Variants in RBFOX1 observed in about 807,000 individuals in gnomAD.
The protein encoded by RBFOX1 is RNA binding protein fox-1 homolog 1.
In RBFOX1, 8 loss-of-function variants were observed where a neutral mutation model predicts 57.7. That is an observed-to-expected ratio of 0.14 (90% CI 0.08 to 0.25). The LOEUF is 0.25. Among genes scored for constraint, RBFOX1 ranks in the 10% least tolerant of loss-of-function variants. The pLI is 1.00. For synonymous variants in RBFOX1, 326 were observed against 222.4 expected (o/e 1.47, Z -4.15); for missense variants, 611 against 548.5 (o/e 1.11, Z -1.14).
At position 5,953,964 on chromosome 16, in the gene RBFOX1, C is replaced by T. The variant is rs149659393; in HGVS notation, c.351+86629C>T. ...CTGTTGCCAACCGTGGTACCCATAC[C>T]CCCAGGGGACATTTGGAAATGTCTG... On this transcript the variant is annotated intron_variant, in intron 4 of 19. Transcript: ENST00000641259. Among the ~76,000 whole-genome samples the T allele has an allele frequency of 8.2e-3, 1,249 of 152,130 alleles. 10 individuals are homozygous for T. Among genetic ancestry groups the T allele is most frequent in the Non-Finnish European group, 0.013 (901 of 68,008 alleles).
intron 4 of RBFOX1, among the ~76,000 whole-genome samples, chr16:7,054,551 G>GGGA (rs1188377939): frequency 6.9e-6 from 1 of 144,108 alleles, no homozygotes; most frequent in South Asian, 2.5e-4. Context: ...TGGGTGGGGG[G>GGGA]GCATTTTTTA....
At chr16:6,149,372 GA>G (rs1005647788) in intron 1 of RBFOX1, among the ~76,000 whole-genome samples, 1 of 152,242 alleles carries the variant, frequency 6.6e-6, no homozygotes, top group African/African-American at 2.4e-5. Flanking sequence ...GAGGAACATT[GA>G]AGTTTTGCTA....
At chr16:6,574,874 T>G (rs1393896131) in intron 2 of RBFOX1, among the ~76,000 whole-genome samples, 3 of 150,672 alleles carry the variant, frequency 2.0e-5, no homozygotes, top group Non-Finnish European at 4.4e-5. Context: ...CCGTCTCTAC[T>G]AAAAATACAA....
At chr16:6,841,584 C>T (rs1229635588) in intron 3 of RBFOX1, among the ~76,000 whole-genome samples, 1 of 152,098 alleles carries the variant, frequency 6.6e-6, no homozygotes, top group Non-Finnish European at 1.5e-5. Context: ...GAGCTGTCCA[C>T]CCACAGTTGA....
intron 4 of RBFOX1, among the ~76,000 whole-genome samples, chr16:7,503,854 G>A (rs757862950): frequency 7.9e-5 from 12 of 152,268 alleles, no homozygotes; most frequent in Non-Finnish European, 1.2e-4. Context: ...ACAGTGATGG[G>A]CAGCCCCATC....
Position 5,512,557 on chromosome 16 carries a change from C to G in RBFOX1, c.258+45303C>G, listed in dbSNP as rs77205071. On this transcript the variant is annotated intron_variant, in intron 2 of 2. Coordinates refer to the RBFOX1 transcript ENST00000585867. ...ATCCCAGCTTTGTCATTTATGAGCT[C>G]TGTGACCTAGGGCAATTTACTTAAT... 7.8e-3 allele frequency among the ~76,000 whole-genome samples: 1,194 copies of G among 152,246 alleles called. 8 individuals are homozygous for G. Among genetic ancestry groups the G allele is most frequent in the Middle Eastern group, 0.014 (4 of 294 alleles).
chr16:5,983,160 C>A (rs556471019), intron 4 of RBFOX1, among the ~76,000 whole-genome samples: 2 of 152,316 alleles, frequency 1.3e-5, no homozygotes, highest in South Asian at 2.1e-4. Context: ...CCCTGCCCCC[C>A]ATTACCCCAG....
intron 4 of RBFOX1, among the ~76,000 whole-genome samples, chr16:7,166,512 G>T (rs1321784208): frequency 1.3e-5 from 2 of 152,144 alleles, no homozygotes. Flanking sequence ...TGGAGAAGAA[G>T]GAACAGGATG....
intron 3 of RBFOX1, among the ~76,000 whole-genome samples, chr16:5,852,261 C>T (rs1459165965): frequency 6.6e-6 from 1 of 152,202 alleles, no homozygotes; most frequent in Non-Finnish European, 1.5e-5. Context: ...CCCTCCCTCC[C>T]TGCCTTAGGT....
chr16:5,490,736 G>C (rs528114057), intron 2 of RBFOX1, among the ~76,000 whole-genome samples: 19 of 152,312 alleles, frequency 1.2e-4, no homozygotes, highest in African/African-American at 4.6e-4. Flanking sequence ...CCGCGTGGGA[G>C]AGCAGAGATC....
At chr16:6,182,084 A>G (rs2097067790) in intron 1 of RBFOX1, among the ~76,000 whole-genome samples, 1 of 152,234 alleles carries the variant, frequency 6.6e-6, no homozygotes, top group Non-Finnish European at 1.5e-5. Flanking sequence ...CCCAGGGAAA[A>G]TACAAAAGCA....
chr16:5,551,161 G>C (rs2045448281), intron 2 of RBFOX1, among the ~76,000 whole-genome samples: 1 of 152,156 alleles, frequency 6.6e-6, no homozygotes. Flanking sequence ...TTTTTCTTCT[G>C]GCTTGAGATA....
chr16:6,580,179 G>A (rs555567886), intron 2 of RBFOX1, among the ~76,000 whole-genome samples: 5 of 152,146 alleles, frequency 3.3e-5, no homozygotes, highest in South Asian at 2.1e-4. Flanking sequence ...GGCTGGTCTC[G>A]AACTCCTGAC....
At chr16:5,476,249 C>G (rs2069319160) in intron 2 of RBFOX1, among the ~76,000 whole-genome samples, 2 of 152,074 alleles carry the variant, frequency 1.3e-5, no homozygotes, top group African/African-American at 4.8e-5. Context: ...AACATCATGT[C>G]ATATACCATG....
chr16:5,294,026 C>T (rs12933462), intron 1 of RBFOX1, among the ~76,000 whole-genome samples: 14 of 152,136 alleles, frequency 9.2e-5, no homozygotes, highest in Middle Eastern at 3.4e-3. Context: ...GCCAGGAGTT[C>T]GAGACCTGCT....
intron 3 of RBFOX1, among the ~76,000 whole-genome samples, chr16:5,614,291 C>T (rs1337679809): frequency 6.6e-6 from 1 of 152,058 alleles, no homozygotes; most frequent in Non-Finnish European, 1.5e-5. Context: ...ACTTCATTTC[C>T]CCCTAGGTCT....
chr16:6,117,679 C>G (rs1397707630), intron 1 of RBFOX1, among the ~76,000 whole-genome samples: 1 of 152,234 alleles, frequency 6.6e-6, no homozygotes, highest in South Asian at 2.1e-4. Context: ...TCTTGAACTT[C>G]CCAGCCTCCA....
At chr16:7,586,154 G>A (rs541573261) in intron 6 of RBFOX1, among the ~76,000 whole-genome samples, 1 of 152,296 alleles carries the variant, frequency 6.6e-6, no homozygotes, top group South Asian at 2.1e-4. Flanking sequence ...CTCTCATTCT[G>A]CATGGAGATA....
chr16:7,259,952 T>G (rs1164991511), intron 4 of RBFOX1, among the ~76,000 whole-genome samples: 1 of 152,174 alleles, frequency 6.6e-6, no homozygotes, highest in Admixed American at 6.5e-5. Flanking sequence ...ATCCCTCCCC[T>G]CCCTGATTTA....
Sources: gnomAD v4.1 joint callset for allele counts (sites outside exome capture counted in the v4.1 genomes callset) on GRCh38, gnomAD v4.1.1 for gene constraint, MANE v1.5 for transcripts, NCBI Gene and HGNC (gene_info 2026-07-23, HGNC 2026-07-21) for gene names.